The following LGALS8 variants were observed in gnomAD, a reference collection of about 807,000 sequenced individuals.
The protein encoded by LGALS8 is galectin 8.
LGALS8 carries 30 observed loss-of-function variants against 35.9 expected under a neutral mutation model. The observed-to-expected ratio is 0.83, with a 90% CI of 0.62 to 1.13. The LOEUF (loss-of-function observed/expected upper bound fraction) is 1.13. Among genes scored for constraint, LGALS8 ranks in the 50% most tolerant of loss-of-function variants. LGALS8 has a pLI of 0.00. For missense variants in LGALS8, 366 were observed against 388.7 expected (o/e 0.94, Z 0.49); for synonymous variants, 138 against 136.1 (o/e 1.01, Z -0.10).
chr1:236,547,801 T>G (rs1662474137), intron 9 of LGALS8, among the ~76,000 whole-genome samples: 1 of 152,036 alleles, frequency 6.6e-6, no homozygotes, highest in Non-Finnish European at 1.5e-5. Flanking sequence ...CATGTCCGAG[T>G]CACTTCCCTG....
At chr1:236,532,097 C>CA (rs770876164) in intron 2 of LGALS8, among the ~76,000 whole-genome samples, 19 of 152,238 alleles carry the variant, frequency 1.2e-4, no homozygotes, top group Non-Finnish European at 2.5e-4. Context: ...TCACACATAT[C>CA]AAAAAATTCT....
At chr1:236,542,015 A>C (rs1293301514) in intron 6 of LGALS8, among the ~76,000 whole-genome samples, 1 of 152,202 alleles carries the variant, frequency 6.6e-6, no homozygotes, top group African/African-American at 2.4e-5. Flanking sequence ...TGCACTGGCA[A>C]ATGAACTTCC....
chr1:236,523,942 G>A, upstream of LGALS8: 1 of 364,842 alleles, frequency 2.7e-6, no homozygotes, highest in Admixed American at 3.5e-5. Flanking sequence ...GGAAGTGAAC[G>A]AGGACTGACT....
Position 236,540,593 on chromosome 1 carries a change from C to G in LGALS8, c.375C>G (p.Leu125=), listed in dbSNP as rs375913705. Reference sequence around the variant, plus strand: ...CTGTAAATGGAAAACATACTCTGCTCTATGGCCACAGGATCGGCCCAGAGA... The same window carrying G: ...CTGTAAATGGAAAACATACTCTGCTGTATGGCCACAGGATCGGCCCAGAGA... The part of the protein sequence containing the change: ...QVAVNGKHTL[L]YGHRIGPEKI... The change falls in exon 5 of 10, where the codon CTC becomes CTG. Residue 125 remains leucine, a synonymous_variant. Transcript: ENST00000366584. The G allele has an allele frequency of 6.2e-7, 1 of 1,611,064 alleles. No individual in the cohort carries two copies. The highest frequency in any genetic ancestry group is 1.7e-4 in the Middle Eastern group (1 of 6,052).
chr1:236,548,152 G>C lies in LGALS8; in HGVS notation c.945G>C (p.Arg315Ser). The C allele has an allele frequency of 6.2e-7, 1 of 1,613,186 alleles. No homozygotes were observed. Among genetic ancestry groups the C allele is most frequent in the South Asian group, 1.1e-5 (1 of 90,850 alleles). The change falls in exon 10 of 10, where the codon AGG becomes AGC. Residue 315 changes from arginine to serine, a missense_variant. Transcript: ENST00000366584. ...GAGACATCCACTTACTGGAAGTAAG[G>C]AGCTGGTAGCCTACCTACACAGCTG... Reference protein sequence around the residue: ...INGDIHLLEVRSW With the variant: ...INGDIHLLEVSSW
intron 8 of LGALS8, 22 bp downstream of exon 8, chr1:236,543,670 T>C: frequency 1.9e-6 from 3 of 1,557,642 alleles, no homozygotes; most frequent in African/African-American, 1.4e-5. Flanking sequence ...TCGGTACCAG[T>C]CACAGTGCAG....
In LGALS8 at chr1:236,552,151, GTATT is replaced by G. The variant is rs1572028594; in HGVS notation, c.*3995_*3998del. 1.6e-6 allele frequency: 2 copies of G among 1,286,270 alleles called. No individual in the cohort carries two copies. The highest frequency in any genetic ancestry group is 2.3e-6 in the Non-Finnish European group (2 of 888,100). 79.7% of individuals were successfully genotyped at this position (1,286,270 alleles called of 1,614,324 possible). ...CAAAGAAATAAAAAGTAGTGTTACTGTATTTATTATCTTAAGAGCTGTACTGACT... is the reference window on the plus strand; with the variant it reads ...CAAAGAAATAAAAAGTAGTGTTACTGTATTATCTTAAGAGCTGTACTGACT... On this transcript the variant is annotated 3_prime_UTR_variant, in exon 10 of 10. Coordinates refer to ENST00000366584, the MANE Select transcript of LGALS8 (RefSeq NM_201544.4).
Position 236,524,030 on chromosome 1 carries a change from C to A in LGALS8, c.-135C>A, listed in dbSNP as rs924140978. 4.5e-6 allele frequency: 2 copies of A among 443,814 alleles called. No individual in the cohort carries two copies. Among genetic ancestry groups the A allele is most frequent in the Admixed American group, 4.8e-5 (2 of 41,266 alleles). The allele number at this position is 443,814 out of a possible 1,614,324, so 27.5% of individuals were successfully genotyped here. ...CACTTAGCTGCTGACAAACAACCTG[C>A]TCCGTGGAGCGCCTGAAACACCAGT... On this transcript the variant is annotated 5_prime_UTR_variant, in exon 1 of 10. Transcript: ENST00000366584.
At chr1:236,543,524 G>T in intron 7 of LGALS8, 36 bp from the exon 8 acceptor site, 1 of 1,474,886 alleles carries the variant, frequency 6.8e-7, no homozygotes, top group Non-Finnish European at 9.5e-7. Context: ...ATCGCTTTCT[G>T]CAGGCCTCTT....
chr1:236,542,018 G>C (rs1003034628), intron 6 of LGALS8, among the ~76,000 whole-genome samples: 3 of 152,214 alleles, frequency 2.0e-5, no homozygotes, highest in African/African-American at 7.2e-5. Flanking sequence ...ACTGGCAAAT[G>C]AACTTCCATG....
At chr1:236,537,237 G>C (rs557062524) in intron 2 of LGALS8, among the ~76,000 whole-genome samples, 1 of 151,724 alleles carries the variant, frequency 6.6e-6, no homozygotes, top group African/African-American at 2.4e-5. Flanking sequence ...GGATGGTCTC[G>C]ATCTGCTGAC....
upstream of LGALS8, chr1:236,523,878 G>C (rs1660641390): frequency 2.9e-6 from 1 of 349,596 alleles, no homozygotes; most frequent in Admixed American, 3.9e-5. Flanking sequence ...CCCAGACACA[G>C]AAGGCGGGGC....
chr1:236,544,995 A>G (rs1662274928), intron 9 of LGALS8, 80 bp downstream of exon 9: 6 of 1,111,226 alleles, frequency 5.4e-6, no homozygotes, highest in Non-Finnish European at 6.5e-6. Flanking sequence ...ATTTAAATCA[A>G]GTCCTAACTC....
At chr1:236,521,251 G>C (rs1660541084), upstream of LGALS8, among the ~76,000 whole-genome samples, 1 of 152,206 alleles carries the variant, frequency 6.6e-6, no homozygotes, top group African/African-American at 2.4e-5. Flanking sequence ...GTGTATGAGT[G>C]TGTTTTGGGA....
At position 236,524,022 on chromosome 1, in the gene LGALS8, A is replaced by C. The variant is rs1333425205; in HGVS notation, c.-143A>C. 4.7e-6 allele frequency: 2 copies of C among 429,110 alleles called. No homozygotes were observed. Among genetic ancestry groups the C allele is most frequent in the South Asian group, 1.6e-5 (1 of 61,658 alleles). 26.6% of individuals were successfully genotyped at this position (429,110 alleles called of 1,614,324 possible). On this transcript the variant is annotated 5_prime_UTR_variant, in exon 1 of 10. Transcript: ENST00000366584. ...CCTGACGGCACTTAGCTGCTGACAA[A>C]CAACCTGCTCCGTGGAGCGCCTGAA...
chr1:236,531,614 C>T (rs1231096296), intron 2 of LGALS8, among the ~76,000 whole-genome samples: 2 of 152,170 alleles, frequency 1.3e-5, no homozygotes, highest in Admixed American at 6.5e-5. Flanking sequence ...TGTGAGCCAC[C>T]GCGCCCGGCC....
chr1:236,547,614 T>G (rs1253140994), intron 9 of LGALS8, among the ~76,000 whole-genome samples: 1 of 139,832 alleles, frequency 7.2e-6, no homozygotes, highest in Admixed American at 7.3e-5. Context: ...AGCATCTCGG[T>G]GAACTAAAGC....
chr1:236,541,459 A>G (rs982558699), intron 5 of LGALS8, 195 bp from the exon 6 acceptor site: 1 of 457,300 alleles, frequency 2.2e-6, no homozygotes, highest in Non-Finnish European at 3.9e-6. Flanking sequence ...TCTTGCTGAC[A>G]TTACATCTTA....
At chr1:236,545,016 A>G (rs2758181) in intron 9 of LGALS8, 101 bp downstream of exon 9, 554,551 of 867,434 alleles carry the variant, frequency 0.64, 180,967 homozygotes, top group Non-Finnish European at 0.68. Flanking sequence ...AGTATGTGGA[A>G]GTTGTGTATG....
Sources: gnomAD v4.1 joint callset for allele counts (sites outside exome capture counted in the v4.1 genomes callset) on GRCh38, gnomAD v4.1.1 for gene constraint, MANE v1.5 for transcripts, NCBI Gene and HGNC (gene_info 2026-07-23, HGNC 2026-07-21) for gene names.